KLF17: variants seen among roughly 807,000 people sequenced by gnomAD.
KLF17 encodes KLF transcription factor 17.
In KLF17, 31 loss-of-function variants were observed where a neutral mutation model predicts 34.2. The ratio of observed to expected loss-of-function variants is 0.91; its 90% CI spans 0.68 to 1.22. KLF17 has a LOEUF of 1.22. Ranked by LOEUF, KLF17 falls within the 50% of genes most tolerant of loss-of-function variation. The pLI is 0.00. For missense variants in KLF17, 478 were observed against 505.2 expected (o/e 0.95, Z 0.52); for synonymous variants, 179 against 186.7 (o/e 0.96, Z 0.34).
chr1:44,052,126 C>G, the KLF17 span: 2 of 152,244 alleles, frequency 1.3e-5, no homozygotes, highest in Non-Finnish European at 2.9e-5. Context: ...AGTGACCCAG[C>G]AGGCTTCCTG....
chr1:44,100,144 T>C, the KLF17 span, among the ~76,000 whole-genome samples: 5 of 150,708 alleles, frequency 3.3e-5, no homozygotes, highest in Admixed American at 3.3e-4. Context: ...GGTGTGTGCC[T>C]GTAATCCCAG....
the KLF17 span, among the ~76,000 whole-genome samples, chr1:44,054,807 T>A: frequency 1.0e-5 from 1 of 100,176 alleles, no homozygotes; most frequent in Non-Finnish European, 1.9e-5. Context: ...TGAGACGGAG[T>A]CTTACTCTGT....
At chr1:44,074,684 T>G in the KLF17 span, among the ~76,000 whole-genome samples, 1 of 152,204 alleles carries the variant, frequency 6.6e-6, no homozygotes, top group Non-Finnish European at 1.5e-5. Flanking sequence ...AATAAATGAC[T>G]TTCTGAAATT....
At chr1:44,110,768 G>T in the KLF17 span, among the ~76,000 whole-genome samples, 1 of 152,002 alleles carries the variant, frequency 6.6e-6, no homozygotes, top group South Asian at 2.1e-4. Flanking sequence ...AGATCTTGGG[G>T]ATTATATTTA....
the KLF17 span, among the ~76,000 whole-genome samples, chr1:44,072,293 T>C: frequency 5.3e-5 from 8 of 151,930 alleles, no homozygotes; most frequent in Non-Finnish European, 1.0e-4. Flanking sequence ...TTAATGGAAA[T>C]GCCCCTTAGA....
At chr1:44,045,971 C>T in the KLF17 span, 1 of 151,940 alleles carries the variant, frequency 6.6e-6, no homozygotes, top group Non-Finnish European at 1.5e-5. Flanking sequence ...CCCTCCAGAC[C>T]CTCCTAACAC....
the KLF17 span, among the ~76,000 whole-genome samples, chr1:44,096,029 C>T: frequency 4.6e-5 from 7 of 151,918 alleles, no homozygotes; most frequent in Admixed American, 4.6e-4. Context: ...GCAACCTCTG[C>T]CCCCCAGGTT....
At chr1:44,127,662 C>CT (rs879348643) in intron 1 of KLF17, among the ~76,000 whole-genome samples, 3 of 44,984 alleles carry the variant, frequency 6.7e-5, no homozygotes, top group East Asian at 6.9e-4. Flanking sequence ...TTCTTTCTTT[C>CT]TTTCTTTCTT....
chr1:44,122,106 A>G lies in KLF17; in HGVS notation c.81+3118A>G, dbSNP rs568535317. 9.8e-6 allele frequency: 12 copies of G among 1,220,874 alleles called. No homozygotes were observed. In the African/African-American group the frequency reaches 1.6e-4, roughly 17 times the overall value. The allele number at this position is 1,220,874 out of a possible 1,614,324, so 75.6% of individuals were successfully genotyped here. Reference sequence around the variant, plus strand: ...TGACATAAACACAACCTGTACAAAAAATATCCCAAATCCCGTATGACTTTG... The same window carrying G: ...TGACATAAACACAACCTGTACAAAAGATATCCCAAATCCCGTATGACTTTG... On this transcript the variant is annotated intron_variant, in intron 1 of 3. Transcript: ENST00000372299.
At chr1:44,055,906 A>G in the KLF17 span, among the ~76,000 whole-genome samples, 2 of 152,234 alleles carry the variant, frequency 1.3e-5, no homozygotes, top group Admixed American at 6.5e-5. Flanking sequence ...AGTTAATGAG[A>G]TAGTAGTCCC....
the KLF17 span, chr1:44,103,647 A>T: frequency 6.2e-7 from 1 of 1,610,320 alleles, no homozygotes; most frequent in Non-Finnish European, 8.5e-7. Flanking sequence ...GACGTTCATC[A>T]GCTCCTAGTA....
At chr1:44,103,957 T>C in the KLF17 span, 1 of 868,646 alleles carries the variant, frequency 1.2e-6, no homozygotes, top group Non-Finnish European at 2.0e-6. Context: ...TCAGCCCGCC[T>C]GCGGTTGGCG....
intron 1 of KLF17, chr1:44,122,610 T>A: frequency 1.5e-6 from 1 of 689,618 alleles, no homozygotes; most frequent in South Asian, 1.6e-5. Context: ...TGGTTTTTTT[T>A]TTGAGATAGA....
the KLF17 span, among the ~76,000 whole-genome samples, chr1:44,083,778 A>C: frequency 7.2e-6 from 1 of 139,182 alleles, no homozygotes; most frequent in Non-Finnish European, 1.5e-5. Context: ...TGGGAGACAC[A>C]GCGAGACTCT....
intron 1 of KLF17, chr1:44,122,221 T>TGCC (rs2154311445): frequency 5.6e-6 from 9 of 1,605,140 alleles, no homozygotes; most frequent in South Asian, 2.2e-5. Context: ...CCTCTGCCTC[T>TGCC]TCCTGCAACA....
At chr1:44,104,429 C>T in the KLF17 span, 1 of 863,202 alleles carries the variant, frequency 1.2e-6, no homozygotes, top group South Asian at 1.3e-5. Flanking sequence ...GAATCTTGTT[C>T]TGCTGCCCCA....
At chr1:44,110,765 G>A in the KLF17 span, among the ~76,000 whole-genome samples, 1 of 151,998 alleles carries the variant, frequency 6.6e-6, no homozygotes, top group Admixed American at 6.6e-5. Flanking sequence ...TAAAGATCTT[G>A]GGGATTATAT....
the KLF17 span, among the ~76,000 whole-genome samples, chr1:44,096,133 T>C: frequency 0.022 from 3,367 of 151,818 alleles, 51 homozygotes; most frequent in South Asian, 0.037. Flanking sequence ...GTAGAGACAG[T>C]GTTTCACCAT....
the KLF17 span, among the ~76,000 whole-genome samples, chr1:44,065,435 AGT>A: frequency 7.6e-6 from 1 of 131,346 alleles, no homozygotes; most frequent in Non-Finnish European, 1.6e-5. Flanking sequence ...TTTGAGCCAG[AGT>A]CTCCATCTGT....
Sources: gnomAD v4.1 joint callset for allele counts (sites outside exome capture counted in the v4.1 genomes callset) on GRCh38, gnomAD v4.1.1 for gene constraint, MANE v1.5 for transcripts, NCBI Gene and HGNC (gene_info 2026-07-23, HGNC 2026-07-21) for gene names.